KLKB1: variants seen among roughly 807,000 people sequenced by gnomAD.
KLKB1 encodes kallikrein B1, also known as plasma kallikrein.
Under a neutral mutation model 73.6 loss-of-function variants are expected in KLKB1, and 58 were observed. That is an observed-to-expected ratio of 0.79 (90% CI 0.64 to 0.98). The LOEUF is 0.98. KLKB1 is among the 50% of genes least tolerant of loss of function. The probability of loss-of-function intolerance (pLI) is 0.00; values close to 1 mark genes in which losing one functional copy is unlikely to be tolerated. For missense variants in KLKB1, 737 were observed against 763.8 expected, an observed-to-expected ratio of 0.96 and a Z score of 0.41; for synonymous variants, 280 against 258.1, an observed-to-expected ratio of 1.08 and a Z score of -0.81.
At chr4:186,210,872 C>T (rs545064129) in intron 2 of KLKB1, 13 of 470,042 alleles carry the variant, frequency 2.8e-5, no homozygotes, top group Admixed American at 3.5e-5. Context: ...CTCACTCTGT[C>T]GCCCAGGCTG....
chr4:186,247,343 A>C (rs990496536), intron 6 of KLKB1, among the ~76,000 whole-genome samples: 2 of 151,340 alleles, frequency 1.3e-5, no homozygotes, highest in Non-Finnish European at 2.9e-5. Context: ...AGGGGTGGGG[A>C]CGTTTTATAG....
At chr4:186,238,580 G>C (rs938314302) in intron 6 of KLKB1, among the ~76,000 whole-genome samples, 1 of 152,192 alleles carries the variant, frequency 6.6e-6, no homozygotes, top group African/African-American at 2.4e-5. Context: ...TGCTCACAAG[G>C]CTCATAAGAA....
chr4:186,251,573 C>A lies in KLKB1; in HGVS notation c.955C>A (p.Gln319Lys), dbSNP rs771758566. Residue 319 changes from glutamine (Q) to lysine (K), a missense_variant, in exon 9 of 15, where the codon CAA (glutamine) becomes AAA (lysine). Physicochemically the swap from Gln to Lys is moderately conservative, Grantham distance 53. Coordinates refer to ENST00000264690, the MANE Select transcript of KLKB1 (RefSeq NM_000892.5). ...VTFVKGVNVC[Q>K]ETCTKMIRCQ... ...TTTTGTTAAAGGAGTGAATGTTTGC[C>A]AAGAGACTTGCACAAAGATGATTCG... is the stretch of plus-strand genomic sequence containing the variant. 27 of 1,613,816 alleles carry A rather than the reference C, an allele frequency of 1.7e-5. No homozygotes were observed. In the African/African-American group the frequency reaches 3.3e-4, roughly 20 times the overall value.
intron 6 of KLKB1, among the ~76,000 whole-genome samples, chr4:186,241,573 A>T (rs1738052399): frequency 6.6e-6 from 1 of 152,182 alleles, no homozygotes; most frequent in African/African-American, 2.4e-5. Context: ...CAGTTAATTT[A>T]ACAAAACCAT....
At chr4:186,223,056 GCTCT>G (rs559571120), upstream of KLKB1, among the ~76,000 whole-genome samples, 464 of 151,956 alleles carry the variant, frequency 3.1e-3, 1 homozygote, top group Admixed American at 6.4e-3. Context: ...GTGCGCACAT[GCTCT>G]CTCTCTCTCC....
At chr4:186,251,367 C>CTAT (rs1366666010) in intron 8 of KLKB1, 39 bp downstream of exon 8, 1 of 1,513,738 alleles carries the variant, frequency 6.6e-7, no homozygotes, top group Non-Finnish European at 9.2e-7. Context: ...AAAATGTAAC[C>CTAT]TATTTCATGA....
At chr4:186,252,454 A>ACCTACCACCAAT (rs1554079461) in intron 11 of KLKB1, among the ~76,000 whole-genome samples, 3 of 151,064 alleles carry the variant, frequency 2.0e-5, no homozygotes, top group African/African-American at 7.4e-5. Context: ...CCAACCCACC[A>ACCTACCACCAAT]CCCACCACCA....
intron 9 of KLKB1, 40 bp from the exon 10 acceptor site, chr4:186,251,709 C>A: frequency 6.2e-7 from 1 of 1,604,582 alleles, no homozygotes; most frequent in Non-Finnish European, 8.5e-7. Flanking sequence ...TCTCTTTCCC[C>A]CTGTGAAGGC....
intron 2 of KLKB1, among the ~76,000 whole-genome samples, chr4:186,216,590 C>G (rs978842664): frequency 1.3e-5 from 2 of 152,086 alleles, no homozygotes; most frequent in African/African-American, 2.4e-5. Flanking sequence ...GTGGAGAGGG[C>G]TCCATCCTGG....
chr4:186,234,374 C>T (rs529690419), intron 4 of KLKB1, among the ~76,000 whole-genome samples: 1 of 152,344 alleles, frequency 6.6e-6, no homozygotes, highest in Non-Finnish European at 1.5e-5. Context: ...AAGGGAACAT[C>T]TCTCTCAAGT....
intron 2 of KLKB1, among the ~76,000 whole-genome samples, chr4:186,217,741 G>T (rs1579984313): frequency 6.6e-6 from 1 of 152,248 alleles, no homozygotes; most frequent in South Asian, 2.1e-4. Flanking sequence ...AGTTTGCAAG[G>T]AGGTGTATTT....
At chr4:186,249,471 T>A (rs1738552864) in intron 6 of KLKB1, among the ~76,000 whole-genome samples, 1 of 152,226 alleles carries the variant, frequency 6.6e-6, no homozygotes, top group Non-Finnish European at 1.5e-5. Context: ...TGTTGACCTA[T>A]ATATGCCTAT....
At chr4:186,245,802 G>GTTTT (rs755207618) in intron 6 of KLKB1, among the ~76,000 whole-genome samples, 2 of 54,882 alleles carry the variant, frequency 3.6e-5, no homozygotes, top group Non-Finnish European at 8.5e-5. Flanking sequence ...AATTTTTGGA[G>GTTTT]TTTTTTTTTG....
chr4:186,215,289 A>T (rs4862668), intron 2 of KLKB1, among the ~76,000 whole-genome samples: 122,012 of 149,018 alleles, frequency 0.82, 50,904 homozygotes, highest in East Asian at 0.93. Context: ...TCTATTGGGC[A>T]CTCCTGGGAA....
At chr4:186,215,397 T>C (rs1328779576) in intron 2 of KLKB1, among the ~76,000 whole-genome samples, 5 of 89,002 alleles carry the variant, frequency 5.6e-5, no homozygotes, top group Non-Finnish European at 8.0e-5. Flanking sequence ...TGCTTTCTTC[T>C]TTCTTTCCTT....
chr4:186,232,241 T>C lies in KLKB1; in HGVS notation c.173T>C (p.Leu58Ser). The change falls in exon 3 of 15, where the codon TTG becomes TCG. Residue 58 changes from leucine (L) to serine (S), a missense_variant. Physicochemically the swap from Leu to Ser is moderately radical, Grantham distance 145. Coordinates refer to ENST00000264690, the MANE Select transcript of KLKB1 (RefSeq NM_000892.5). ...AGGTGCACATTCCACCCAAGGTGTT[T>C]GCTATTCAGTTTTCTTCCAGCAAGT... ...QMRCTFHPRC[L>S]LFSFLPASSI... The C allele has an allele frequency of 1.2e-6, 2 of 1,614,180 alleles. No individual in the cohort carries two copies. The highest frequency in any genetic ancestry group is 1.7e-6 in the Non-Finnish European group (2 of 1,180,012).
intron 6 of KLKB1, among the ~76,000 whole-genome samples, chr4:186,243,271 G>A (rs1738151060): frequency 6.6e-6 from 1 of 152,160 alleles, no homozygotes; most frequent in Non-Finnish European, 1.5e-5. Flanking sequence ...GGTTTTAAGA[G>A]GTGGGTTAGT....
rs145972257 is a variant in KLKB1 at position 186,251,633 on chromosome 4, G to C, written c.1015G>C (p.Asp339His). The change falls in exon 9 of 15, where the codon GAC (aspartate) becomes CAC (histidine). Residue 339 changes from aspartate (D) to histidine (H), a missense_variant. By Grantham distance (81) the Asp-to-His change is moderately conservative. Transcript: ENST00000264690. ...TTTCACTTATTCTTTACTCCCAGAA[G>C]ACTGTAAGGAAGAGAAGTAAAGGAA... Reference protein sequence around the residue: ...QFFTYSLLPEDCKEEKCKCFL... With the variant: ...QFFTYSLLPEHCKEEKCKCFL... 1 of 1,614,072 alleles carries C rather than the reference G, an allele frequency of 6.2e-7. No homozygotes were observed. Among genetic ancestry groups the C allele is most frequent in the Admixed American group, 1.7e-5 (1 of 60,036 alleles).
intron 6 of KLKB1, among the ~76,000 whole-genome samples, chr4:186,244,796 C>T (rs368949342): frequency 6.8e-4 from 103 of 152,244 alleles, no homozygotes; most frequent in African/African-American, 2.0e-3. Flanking sequence ...CAAAAGGCCA[C>T]GCTGTAACAG....
Sources: allele counts gnomAD v4.1 joint callset (sites outside exome capture counted in the v4.1 genomes callset), GRCh38; gene constraint gnomAD v4.1.1; transcripts MANE v1.5; gene names NCBI Gene and HGNC (gene_info 2026-07-23, HGNC 2026-07-21).